The following PACRG variants were observed in gnomAD, a reference collection of about 807,000 sequenced individuals.
PACRG encodes parkin coregulated gene protein.
Under a neutral mutation model 29.7 loss-of-function variants are expected in PACRG, and 29 were observed. The ratio of observed to expected loss-of-function variants is 0.98; its 90% CI spans 0.73 to 1.33. The LOEUF (loss-of-function observed/expected upper bound fraction) is 1.33. Ranked by LOEUF, PACRG falls within the 40% of genes most tolerant of loss-of-function variation. The pLI, the probability that PACRG is intolerant of heterozygous loss-of-function variation, is 0.00. For missense variants in PACRG, 279 were observed against 316.2 expected, an observed-to-expected ratio of 0.88 and a Z score of 0.89; for synonymous variants, 116 against 118.7, an observed-to-expected ratio of 0.98 and a Z score of 0.15.
chr6:163,006,068 A>G (rs1805066251), intron 2 of PACRG, among the ~76,000 whole-genome samples: 1 of 144,908 alleles, frequency 6.9e-6, no homozygotes, highest in South Asian at 2.1e-4. Context: ...ACATATATAT[A>G]ACTATATATG....
chr6:162,742,527 C>T (rs114199849), intron 1 of PACRG, among the ~76,000 whole-genome samples: 2,216 of 152,178 alleles, frequency 0.015, 62 homozygotes, highest in African/African-American at 0.051. Flanking sequence ...TGGTATTTGT[C>T]TTTCTGTGTC....
At chr6:162,910,656 C>T (rs1414003516) in intron 2 of PACRG, among the ~76,000 whole-genome samples, 6 of 152,164 alleles carry the variant, frequency 3.9e-5, no homozygotes, top group Non-Finnish European at 1.5e-5. Flanking sequence ...TTGTAAATAG[C>T]TCAAAATGGC....
chr6:163,239,565 G>T (rs374227860), intron 4 of PACRG, among the ~76,000 whole-genome samples: 2 of 151,936 alleles, frequency 1.3e-5, no homozygotes, highest in African/African-American at 4.8e-5. Context: ...CTCTCCAAGT[G>T]CAACCCCTGT....
intron 4 of PACRG, among the ~76,000 whole-genome samples, chr6:163,162,855 T>C (rs150927764): frequency 2.1e-3 from 322 of 152,192 alleles, no homozygotes; most frequent in African/African-American, 7.1e-3. Context: ...ACTATGAAAC[T>C]GGTGATGAAG....
At chr6:163,062,460 A>G (rs1355774290) in intron 3 of PACRG, 139 bp downstream of exon 3, 8 of 1,010,546 alleles carry the variant, frequency 7.9e-6, no homozygotes, top group Non-Finnish European at 9.8e-6. Flanking sequence ...TTAGGAGGCC[A>G]GACAACCCAA....
intron 2 of PACRG, among the ~76,000 whole-genome samples, chr6:162,994,894 G>A (rs1401960238): frequency 6.7e-6 from 1 of 148,968 alleles, no homozygotes; most frequent in Non-Finnish European, 1.5e-5. Flanking sequence ...GGTCTTTGAT[G>A]ATGGTGATGT....
At chr6:162,919,599 T>C (rs903858512) in intron 2 of PACRG, among the ~76,000 whole-genome samples, 2 of 152,178 alleles carry the variant, frequency 1.3e-5, no homozygotes, top group Non-Finnish European at 2.9e-5. Context: ...GATACAGATG[T>C]AACAGACAAG....
At chr6:162,894,401 G>T (rs1795011121) in intron 2 of PACRG, among the ~76,000 whole-genome samples, 1 of 152,106 alleles carries the variant, frequency 6.6e-6, no homozygotes, top group African/African-American at 2.4e-5. Flanking sequence ...ATGGTCTTTT[G>T]TATCATTATG....
rs145128819 is a variant in PACRG, at chr6:163,286,832, G to A, written c.614-27995G>A. ...TGTATGGATGTTTATGTACATGTGT[G>A]TATGTATATGCATATGTGTATTTAT... On this transcript the variant is annotated intron_variant, in intron 4 of 4. Coordinates refer to ENST00000366888, the MANE Select transcript of PACRG (RefSeq NM_001080379.2). Among the ~76,000 whole-genome samples the A allele has an allele frequency of 2.4e-3, 369 of 152,260 alleles. 1 individual carries two copies. Among genetic ancestry groups the A allele is most frequent in the African/African-American group, 8.4e-3 (347 of 41,532 alleles).
At chr6:163,291,186 C>CGCCA in intron 4 of PACRG, among the ~76,000 whole-genome samples, 1 of 132,690 alleles carries the variant, frequency 7.5e-6, no homozygotes, top group African/African-American at 3.6e-5. Flanking sequence ...TCTGCCTGCC[C>CGCCA]GAGCTGGCCT....
chr6:163,179,250 C>A (rs1351117477), intron 4 of PACRG: 1 of 455,868 alleles, frequency 2.2e-6, no homozygotes. Context: ...TGCCAACAAG[C>A]GAGACAGAAA....
At chr6:162,939,460 G>A (rs1035030730) in intron 2 of PACRG, among the ~76,000 whole-genome samples, 2 of 152,106 alleles carry the variant, frequency 1.3e-5, no homozygotes, top group African/African-American at 4.8e-5. Context: ...TCTCATTTGG[G>A]CCCAGAGCCA....
intron 4 of PACRG, among the ~76,000 whole-genome samples, chr6:163,226,544 A>G (rs1464730589): frequency 6.6e-6 from 1 of 152,230 alleles, no homozygotes; most frequent in Non-Finnish European, 1.5e-5. Flanking sequence ...ACGGCTGGGC[A>G]GGAGAGGTTA....
chr6:163,229,190 G>A lies in PACRG; in HGVS notation c.614-85637G>A, dbSNP rs868742552. On this transcript the variant is annotated intron_variant, in intron 4 of 4. Coordinates refer to ENST00000366888, the MANE Select transcript of PACRG (RefSeq NM_001080379.2). ...GCCTAGTCAACATAGTGAGACCCCC[G>A]TCTCTACAGAAAAGTAACCAGGGGA... Among the ~76,000 whole-genome samples, 7 of 152,166 alleles carry A rather than the reference G, an allele frequency of 4.6e-5. 1 individual carries two copies. The Middle Eastern group carries it at 0.014, about 296-fold the overall frequency.
upstream of PACRG, chr6:162,727,560 G>C: frequency 4.7e-6 from 6 of 1,286,200 alleles, no homozygotes; most frequent in South Asian, 7.6e-5. Flanking sequence ...CCCCGTCATT[G>C]ACAGTTGGCA....
chr6:162,755,690 G>C (rs539420534), intron 1 of PACRG, among the ~76,000 whole-genome samples: 1 of 152,168 alleles, frequency 6.6e-6, no homozygotes, highest in South Asian at 2.1e-4. Flanking sequence ...ACCCACCTTG[G>C]CCTCCCAAAG....
upstream of PACRG, chr6:162,727,314 A>T (rs912912603): frequency 1.1e-5 from 4 of 352,060 alleles, no homozygotes; most frequent in African/African-American, 6.6e-5. Flanking sequence ...CGGCGGGGCG[A>T]AGGTGAGGGG....
chr6:162,739,907 G>A (rs909200462), intron 1 of PACRG, among the ~76,000 whole-genome samples: 1 of 150,026 alleles, frequency 6.7e-6, no homozygotes, highest in Admixed American at 6.6e-5. Flanking sequence ...AATATTGTAA[G>A]GTTTCTTCTA....
intron 2 of PACRG, among the ~76,000 whole-genome samples, chr6:162,844,355 C>G (rs9365497): frequency 0.068 from 10,373 of 152,156 alleles, 504 homozygotes; most frequent in East Asian, 0.26. Flanking sequence ...GGAGTGACCC[C>G]ATTTTCCAGG....
Sources: allele counts gnomAD v4.1 joint callset (sites outside exome capture counted in the v4.1 genomes callset), GRCh38; gene constraint gnomAD v4.1.1; transcripts MANE v1.5; gene names NCBI Gene and HGNC (gene_info 2026-07-23, HGNC 2026-07-21).